The following ZNF804B variants were observed in gnomAD, a reference collection of about 807,000 sequenced individuals.
ZNF804B encodes the protein zinc finger 804B.
Under a neutral mutation model 101.4 loss-of-function variants are expected in ZNF804B, and 80 were observed. That is an observed-to-expected ratio of 0.79 (90% CI 0.66 to 0.95). The LOEUF (loss-of-function observed/expected upper bound fraction) is 0.95. ZNF804B is among the 40% of genes least tolerant of loss of function. ZNF804B has a pLI of 0.00. For synonymous variants in ZNF804B, 622 were observed against 558.8 expected (o/e 1.11, Z -1.59); for missense variants, 1,673 against 1,561.9 (o/e 1.07, Z -1.20).
At chr7:89,053,981 A>G (rs1789251953) in intron 1 of ZNF804B, among the ~76,000 whole-genome samples, 1 of 152,036 alleles carries the variant, frequency 6.6e-6, no homozygotes, top group African/African-American at 2.4e-5. Context: ...TACAGTACTC[A>G]TATATGGCTT....
rs549218995 is a variant in ZNF804B, at chr7:89,166,733, A to G, written c.109-51422A>G. 7.9e-5 allele frequency among the ~76,000 whole-genome samples: 12 copies of G among 152,312 alleles called. No homozygotes were observed. In the East Asian group the frequency reaches 2.3e-3, roughly 29 times the overall value. ...ATGACGAAAAGTATGTGAAAAGTGG[A>G]AAGATCACTTTTTACTTCCATACAC... On this transcript the variant is annotated intron_variant, in intron 1 of 3. Coordinates refer to ENST00000333190, the MANE Select transcript of ZNF804B (RefSeq NM_181646.5).
intron 1 of ZNF804B, among the ~76,000 whole-genome samples, chr7:88,789,601 A>G (rs114141242): frequency 0.031 from 4,648 of 152,192 alleles, 227 homozygotes; most frequent in African/African-American, 0.094. Flanking sequence ...TGTTTTTACT[A>G]CATACATCCT....
In ZNF804B at chr7:88,816,960, T is replaced by G. The variant is rs1172947401; in HGVS notation, c.108+56876T>G. 2.0e-5 allele frequency among the ~76,000 whole-genome samples: 3 copies of G among 150,272 alleles called. No individual in the cohort carries two copies. The East Asian group carries it at 6.0e-4, about 30-fold the overall frequency. On this transcript the variant is annotated intron_variant, in intron 1 of 3. Coordinates refer to ENST00000333190, the MANE Select transcript of ZNF804B (RefSeq NM_181646.5). Reference sequence around the variant, plus strand: ...ATGTTTATTGTGGCACTATTGACAATAGCAAAGACTTGGAACCAACCCAAA... The same window carrying G: ...ATGTTTATTGTGGCACTATTGACAAGAGCAAAGACTTGGAACCAACCCAAA...
chr7:89,199,297 C>G (rs911515672), intron 1 of ZNF804B, among the ~76,000 whole-genome samples: 1 of 151,832 alleles, frequency 6.6e-6, no homozygotes, highest in African/African-American at 2.4e-5. Flanking sequence ...CTCAAAACTC[C>G]TGCAAGACTC....
At chr7:88,878,186 G>C (rs1037685338) in intron 1 of ZNF804B, among the ~76,000 whole-genome samples, 3 of 152,084 alleles carry the variant, frequency 2.0e-5, no homozygotes, top group African/African-American at 7.2e-5. Context: ...GTGGTAATTT[G>C]AAATGGGCTA....
At chr7:88,794,539 G>A (rs1455377109) in intron 1 of ZNF804B, 1 of 1,613,418 alleles carries the variant, frequency 6.2e-7, no homozygotes, top group African/African-American at 1.3e-5. Flanking sequence ...AATGTTATGA[G>A]AAATGACTAT....
intron 1 of ZNF804B, among the ~76,000 whole-genome samples, chr7:89,011,364 A>G (rs567752434): frequency 8.6e-5 from 13 of 152,020 alleles, no homozygotes; most frequent in Non-Finnish European, 1.9e-4. Flanking sequence ...TCCATATCTC[A>G]TGTCCTCACA....
intron 1 of ZNF804B, among the ~76,000 whole-genome samples, chr7:89,142,146 A>G (rs1790727200): frequency 6.6e-6 from 1 of 151,894 alleles, no homozygotes. Context: ...TGTATGCCTA[A>G]TGATTTCCCA....
At chr7:89,292,035 T>C (rs1407021320) in intron 2 of ZNF804B, among the ~76,000 whole-genome samples, 1 of 151,932 alleles carries the variant, frequency 6.6e-6, no homozygotes, top group Non-Finnish European at 1.5e-5. Context: ...GAGTAAAAAA[T>C]TCCTAGTGAA....
At chr7:89,006,632 T>C (rs1453137479) in intron 1 of ZNF804B, among the ~76,000 whole-genome samples, 1 of 152,108 alleles carries the variant, frequency 6.6e-6, no homozygotes, top group African/African-American at 2.4e-5. Context: ...CATGGCCATA[T>C]TAAAGTTTTT....
chr7:89,187,320 A>G (rs1333930923), intron 1 of ZNF804B, among the ~76,000 whole-genome samples: 1 of 152,186 alleles, frequency 6.6e-6, no homozygotes, highest in East Asian at 1.9e-4. Flanking sequence ...TTGATGGATC[A>G]TATTCTTTCT....
intron 1 of ZNF804B, among the ~76,000 whole-genome samples, chr7:88,770,080 A>T (rs768537547): frequency 6.6e-6 from 1 of 152,212 alleles, no homozygotes; most frequent in Non-Finnish European, 1.5e-5. Context: ...TTTATAGAAT[A>T]TAAACATTGG....
intron 1 of ZNF804B, among the ~76,000 whole-genome samples, chr7:89,208,730 A>C (rs1173406202): frequency 1.3e-5 from 2 of 152,024 alleles, no homozygotes; most frequent in African/African-American, 4.8e-5. Flanking sequence ...ATCCCTGTTT[A>C]GACTGGGCAC....
chr7:89,244,671 T>A (rs1404761800), intron 2 of ZNF804B, among the ~76,000 whole-genome samples: 1 of 152,198 alleles, frequency 6.6e-6, no homozygotes, highest in Non-Finnish European at 1.5e-5. Context: ...AGATAAATAC[T>A]GGGGAATGCC....
At chr7:88,814,343 A>G (rs1349670502) in intron 1 of ZNF804B, among the ~76,000 whole-genome samples, 3 of 152,076 alleles carry the variant, frequency 2.0e-5, no homozygotes, top group Non-Finnish European at 4.4e-5. Context: ...TAATTCTTAC[A>G]TGACTCTGTT....
chr7:89,237,355 T>C (rs994079264), intron 2 of ZNF804B, among the ~76,000 whole-genome samples: 1 of 152,110 alleles, frequency 6.6e-6, no homozygotes, highest in Non-Finnish European at 1.5e-5. Context: ...CTTTTTAGTT[T>C]TCTGGTTTCT....
Position 89,333,492 on chromosome 7 carries a change from A to G in ZNF804B, c.510A>G (p.Gly170=). The G allele has an allele frequency of 6.2e-7, 1 of 1,613,388 alleles. No individual in the cohort carries two copies. Among genetic ancestry groups the G allele is most frequent in the African/African-American group, 1.3e-5 (1 of 74,990 alleles). The change falls in exon 4 of 4, where the codon GGA becomes GGG. Residue 170 remains glycine (G), a synonymous_variant. Coordinates refer to ENST00000333190, the MANE Select transcript of ZNF804B (RefSeq NM_181646.5). ...SCMKSALLLK[G]KNLPRIISDK... The stretch of plus-strand genomic sequence containing the variant: ...TGAAGAGTGCTCTTCTCCTTAAAGG[A>G]AAAAATCTCCCCAGAATCATATCCG...
At chr7:89,046,801 T>A (rs1053077016) in intron 1 of ZNF804B, among the ~76,000 whole-genome samples, 1 of 152,036 alleles carries the variant, frequency 6.6e-6, no homozygotes, top group African/African-American at 2.4e-5. Flanking sequence ...TCATTTTTTT[T>A]TAGAATCCCT....
At chr7:88,774,400 G>A (rs1293635054) in intron 1 of ZNF804B, among the ~76,000 whole-genome samples, 1 of 151,872 alleles carries the variant, frequency 6.6e-6, no homozygotes, top group African/African-American at 2.4e-5. Flanking sequence ...AAGCAATAGA[G>A]CACTAGATTG....
Sources: gnomAD v4.1 joint callset for allele counts (sites outside exome capture counted in the v4.1 genomes callset) on GRCh38, gnomAD v4.1.1 for gene constraint, MANE v1.5 for transcripts, NCBI Gene and HGNC (gene_info 2026-07-23, HGNC 2026-07-21) for gene names.